CNBD1: variants seen among roughly 807,000 people sequenced by gnomAD.
CNBD1 encodes cyclic nucleotide binding domain containing 1, also known as cyclic nucleotide-binding domain-containing protein 1.
CNBD1 carries 71 observed loss-of-function variants against 54.4 expected under a neutral mutation model. The ratio of observed to expected loss-of-function variants is 1.30; its 90% CI spans 1.08 to 1.59. CNBD1 has a LOEUF of 1.59. Ranked by LOEUF, CNBD1 falls within the 40% of genes most tolerant of loss-of-function variation. The probability of loss-of-function intolerance (pLI) is 0.00; values close to 1 mark genes in which losing one functional copy is unlikely to be tolerated. For missense variants in CNBD1, 659 were observed against 518.0 expected, an observed-to-expected ratio of 1.27 and a Z score of -2.64; for synonymous variants, 182 against 170.7, an observed-to-expected ratio of 1.07 and a Z score of -0.51.
In CNBD1 at chr8:87,231,971, T is replaced by A. The variant is rs114142432; in HGVS notation, c.578-4948T>A. ...TGGCTCTCTATTTCTTTTTTTAAAT[T>A]CTCACTATGAATTGAATTCACATGA... On this transcript the variant is annotated intron_variant, in intron 5 of 10. Coordinates refer to ENST00000518476, the MANE Select transcript of CNBD1 (RefSeq NM_173538.3). Among the ~76,000 whole-genome samples the A allele has an allele frequency of 8.3e-3, 1,262 of 152,310 alleles. 28 individuals carry two copies. Among genetic ancestry groups the A allele is most frequent in the African/African-American group, 0.024 (994 of 41,576 alleles).
intron 4 of CNBD1, among the ~76,000 whole-genome samples, chr8:87,041,239 G>GT (rs892767551): frequency 2.0e-5 from 3 of 152,132 alleles, no homozygotes; most frequent in African/African-American, 7.2e-5. Flanking sequence ...GGGGAGACAT[G>GT]TTTAGCTATG....
intron 8 of CNBD1, among the ~76,000 whole-genome samples, chr8:87,315,437 G>A (rs7824344): frequency 5.3e-4 from 81 of 151,978 alleles, no homozygotes; most frequent in African/African-American, 1.8e-3. Flanking sequence ...CATGGTGCAG[G>A]CATCTACTTG....
intron 8 of CNBD1, among the ~76,000 whole-genome samples, chr8:87,338,374 A>G (rs753913461): frequency 2.0e-5 from 3 of 152,274 alleles, no homozygotes; most frequent in Non-Finnish European, 2.9e-5. Flanking sequence ...GACAGCAACA[A>G]ATTCTCTCAT....
rs376521203 is a variant in CNBD1 at position 87,103,240 on chromosome 8, G to A, written c.432-102753G>A. On this transcript the variant is annotated intron_variant, in intron 4 of 10. Coordinates refer to ENST00000518476, the MANE Select transcript of CNBD1 (RefSeq NM_173538.3). ...ATGGTGAGTAGGATGGGAAAGAAAT[G>A]GAAAAAAGAAGGGAATGGAAGGTCT... Among the ~76,000 whole-genome samples, 7 of 151,878 alleles carry A rather than the reference G, an allele frequency of 4.6e-5. No homozygotes were observed. The East Asian group carries it at 7.7e-4, about 17-fold the overall frequency.
rs529392501 is a variant in CNBD1 at position 86,890,522 on chromosome 8, T to C, written c.158+2911T>C. 9.7e-4 allele frequency among the ~76,000 whole-genome samples: 147 copies of C among 152,284 alleles called. 2 individuals are homozygous for C. The highest frequency in any genetic ancestry group is 3.4e-3 in the African/African-American group (143 of 41,574). On this transcript the variant is annotated intron_variant, in intron 2 of 10. Coordinates refer to ENST00000518476, the MANE Select transcript of CNBD1 (RefSeq NM_173538.3). Reference sequence around the variant, plus strand: ...TTAGGTTGATTTCACATTTTGGCTATTGTGAACAGTGCTGCCATAAACATG... The same window carrying C: ...TTAGGTTGATTTCACATTTTGGCTACTGTGAACAGTGCTGCCATAAACATG...
chr8:87,287,874 A>T (rs1481578390), intron 8 of CNBD1, among the ~76,000 whole-genome samples: 1 of 152,040 alleles, frequency 6.6e-6, no homozygotes, highest in African/African-American at 2.4e-5. Context: ...TGTTTTTGAG[A>T]TGTAGCATTT....
intron 8 of CNBD1, among the ~76,000 whole-genome samples, chr8:87,307,803 C>A (rs1381380163): frequency 4.7e-5 from 7 of 150,168 alleles, no homozygotes; most frequent in Non-Finnish European, 7.4e-5. Context: ...TTCATGGATT[C>A]TAAACTAATA....
chr8:86,967,899 G>T (rs1277718150), intron 4 of CNBD1, among the ~76,000 whole-genome samples: 1 of 151,984 alleles, frequency 6.6e-6, no homozygotes, highest in Non-Finnish European at 1.5e-5. Flanking sequence ...GAGATACTGG[G>T]TAAAAGAAAC....
intron 4 of CNBD1, among the ~76,000 whole-genome samples, chr8:86,948,653 GT>G (rs1327914043): frequency 6.6e-6 from 1 of 152,010 alleles, no homozygotes; most frequent in Non-Finnish European, 1.5e-5. Flanking sequence ...ATCTATTCTG[GT>G]TATTAATCCC....
At chr8:86,993,335 C>T (rs563397690) in intron 4 of CNBD1, among the ~76,000 whole-genome samples, 8 of 151,626 alleles carry the variant, frequency 5.3e-5, no homozygotes, top group Non-Finnish European at 1.2e-4. Context: ...CTTAAAATGG[C>T]TTTCTTTCAT....
Position 87,306,071 on chromosome 8 carries a change from T to C in CNBD1, c.1042+19400T>C, listed in dbSNP as rs148553650. Among the ~76,000 whole-genome samples the C allele has an allele frequency of 3.1e-3, 468 of 151,726 alleles. 3 individuals are homozygous for C. In the East Asian group the frequency reaches 0.047, roughly 15 times the overall value. The stretch of plus-strand genomic sequence containing the variant: ...AATACAACAGTAAGAAAAAAAACCA[T>C]CCCATCAAAAAGTGGTCTAAGGACA... On this transcript the variant is annotated intron_variant, in intron 8 of 10. Transcript: ENST00000518476.
intron 2 of CNBD1, among the ~76,000 whole-genome samples, chr8:86,897,629 C>T (rs1334530442): frequency 6.6e-6 from 1 of 152,190 alleles, no homozygotes; most frequent in Non-Finnish European, 1.5e-5. Flanking sequence ...CCAGAAATGT[C>T]ACCAGTAACA....
At chr8:87,251,605 A>T (rs1807919545) in intron 6 of CNBD1, among the ~76,000 whole-genome samples, 1 of 151,484 alleles carries the variant, frequency 6.6e-6, no homozygotes, top group Admixed American at 6.6e-5. Flanking sequence ...GAAAAAAAAA[A>T]AAAAAGAACA....
At chr8:87,238,597 A>T (rs1807629769) in intron 6 of CNBD1, among the ~76,000 whole-genome samples, 1 of 152,066 alleles carries the variant, frequency 6.6e-6, no homozygotes, top group Non-Finnish European at 1.5e-5. Flanking sequence ...AGAGGTTGAG[A>T]CTGCTATAGC....
chr8:87,369,884 G>A lies in CNBD1; in HGVS notation c.1304-12736G>A, dbSNP rs557921633. 3.2e-3 allele frequency among the ~76,000 whole-genome samples: 480 copies of A among 150,092 alleles called. 2 individuals carry two copies. The highest frequency in any genetic ancestry group is 0.011 in the African/African-American group (446 of 40,810). ...ATATGCTATCCCTCCCCACTCCCCC[G>A]ACCCCACAACAGTCCCCAGAGTGTG... On this transcript the variant is annotated intron_variant, in intron 10 of 10. Coordinates refer to ENST00000518476, the MANE Select transcript of CNBD1 (RefSeq NM_173538.3).
intron 4 of CNBD1, among the ~76,000 whole-genome samples, chr8:87,116,195 C>CTTTTTTTTTTTTTTTTTTTTTTT: frequency 1.3e-5 from 1 of 74,528 alleles, no homozygotes; most frequent in Non-Finnish European, 2.4e-5. Flanking sequence ...ATTCTCATGT[C>CTTTTTTTTTTTTTTTTTTTTTTT]TTTTTTTTTT....
Position 87,059,219 on chromosome 8 carries a change from G to A in CNBD1, c.431+119465G>A, listed in dbSNP as rs140003650. Among the ~76,000 whole-genome samples, 411 of 152,248 alleles carry A rather than the reference G, an allele frequency of 2.7e-3. 2 individuals are homozygous for A. Among genetic ancestry groups the A allele is most frequent in the African/African-American group, 9.2e-3 (383 of 41,558 alleles). On this transcript the variant is annotated intron_variant, in intron 4 of 10. Coordinates refer to ENST00000518476, the MANE Select transcript of CNBD1 (RefSeq NM_173538.3). Reference sequence around the variant, plus strand: ...GGCAAAGTCATTCAGTAAGTCTCTAGGACATTCCAAACTTCCCCACAGCTT... The same window carrying A: ...GGCAAAGTCATTCAGTAAGTCTCTAAGACATTCCAAACTTCCCCACAGCTT...
chr8:87,055,588 T>A (rs556185044), intron 4 of CNBD1, among the ~76,000 whole-genome samples: 1 of 152,326 alleles, frequency 6.6e-6, no homozygotes, highest in Non-Finnish European at 1.5e-5. Context: ...TCTGTACATC[T>A]GCAGTCTGAG....
At chr8:87,171,596 A>G (rs1225119853) in intron 4 of CNBD1, among the ~76,000 whole-genome samples, 1 of 151,694 alleles carries the variant, frequency 6.6e-6, no homozygotes, top group South Asian at 2.1e-4. Flanking sequence ...TTTAAGATAC[A>G]TCACTAGGTT....
Sources: allele counts gnomAD v4.1 joint callset (sites outside exome capture counted in the v4.1 genomes callset), GRCh38; gene constraint gnomAD v4.1.1; transcripts MANE v1.5; gene names NCBI Gene and HGNC (gene_info 2026-07-23, HGNC 2026-07-21).